The following ANKRD17 variants were observed in gnomAD, a reference collection of about 807,000 sequenced individuals.
ANKRD17 encodes the protein ankyrin repeat domain-containing protein 17.
Under a neutral mutation model 229.7 loss-of-function variants are expected in ANKRD17, and 19 were observed. The ratio of observed to expected loss-of-function variants is 0.08; its 90% CI spans 0.06 to 0.12. The LOEUF is 0.12. Ranked by LOEUF, ANKRD17 falls within the 10% of genes least tolerant of loss-of-function variation. The pLI is 1.00. For synonymous variants in ANKRD17, 1,112 were observed against 1,146.1 expected (o/e 0.97, Z 0.60); for missense variants, 2,176 against 3,176.8 (o/e 0.68, Z 7.57).
intron 18 of ANKRD17, 62 bp downstream of exon 18, chr4:73,124,851 A>C: frequency 6.4e-7 from 1 of 1,560,426 alleles, no homozygotes; most frequent in East Asian, 2.3e-5. Flanking sequence ...AAATAATATA[A>C]GTGAAAGTAC....
At chr4:73,236,218 TCC>T (rs1743497892) in intron 1 of ANKRD17, among the ~76,000 whole-genome samples, 3 of 151,572 alleles carry the variant, frequency 2.0e-5, no homozygotes, top group African/African-American at 7.3e-5. Flanking sequence ...GTGCAGTGGT[TCC>T]ATCATTGCCA....
intron 1 of ANKRD17, chr4:73,223,246 C>G (rs1452766288): frequency 5.0e-6 from 2 of 401,728 alleles, no homozygotes; most frequent in Non-Finnish European, 8.8e-6. Context: ...AAACTTCTGT[C>G]AAGTAATTTT....
chr4:73,121,290 T>A, intron 19 of ANKRD17, 196 bp from the exon 20 acceptor site: 1 of 632,548 alleles, frequency 1.6e-6, no homozygotes, highest in Non-Finnish European at 2.7e-6. Context: ...ATTTTTTGTA[T>A]TTCACTCAAC....
At chr4:73,175,625 A>G (rs1215575200) in intron 2 of ANKRD17, among the ~76,000 whole-genome samples, 3 of 152,238 alleles carry the variant, frequency 2.0e-5, no homozygotes. Context: ...CCACTAGAAT[A>G]CAATAGAAAA....
intron 16 of ANKRD17, among the ~76,000 whole-genome samples, chr4:73,133,164 C>T (rs1006766561): frequency 4.0e-5 from 6 of 151,576 alleles, no homozygotes; most frequent in African/African-American, 2.4e-5. Context: ...GCAGGAGAAT[C>T]GCTTGAACCT....
At position 73,125,057 on chromosome 4, in the gene ANKRD17, A is replaced by G. The variant is rs1436548225; in HGVS notation, c.3348T>C (p.Gly1116=). The G allele has an allele frequency of 1.2e-6, 2 of 1,614,032 alleles. No homozygotes were observed. The highest frequency in any genetic ancestry group is 2.7e-5 in the African/African-American group (2 of 74,928). ...GASIEHRDKK[G]FTPLILAATA... ...TGGCAGCCAAGATGAGTGGAGTAAA[A>G]CCTGGAGAAAAATAATGATCTTCTC... Residue 1116 remains glycine (G), a splice_region_variant and synonymous_variant, in exon 18 of 34, where the codon GGT becomes GGC. Coordinates refer to ENST00000358602, the MANE Select transcript of ANKRD17 (RefSeq NM_032217.5).
At position 73,156,032 on chromosome 4, in the gene ANKRD17, T is replaced by G. The variant is rs774413048; in HGVS notation, c.839A>C (p.Tyr280Ser). The change falls in exon 4 of 34, where the codon TAT becomes TCT. Residue 280 changes from tyrosine (Y) to serine (S), a missense_variant. This residue lies in a region of ANKRD17 where 184 missense variants were observed against 357.8 expected (regional missense o/e 0.51). Transcript: ENST00000358602. ...LLCLACSAGY[Y>S]ELAQVLLAMH... ...GATAATACGAACCTGTGCAAGCTCA[T>G]AGTATCCAGCAGAACAAGCTAAACA... is the stretch of plus-strand genomic sequence containing the variant. 1 of 1,594,284 alleles carries G rather than the reference T, an allele frequency of 6.3e-7. No individual in the cohort carries two copies. Among genetic ancestry groups the G allele is most frequent in the South Asian group, 1.1e-5 (1 of 87,046 alleles).
intron 1 of ANKRD17, among the ~76,000 whole-genome samples, chr4:73,214,534 G>C (rs1057105137): frequency 6.6e-6 from 1 of 152,012 alleles, no homozygotes; most frequent in African/African-American, 2.4e-5. Context: ...AAAAGCAATG[G>C]TGGGTAAACC....
At chr4:73,187,447 G>GAACA (rs1396130163) in intron 1 of ANKRD17, among the ~76,000 whole-genome samples, 3 of 152,172 alleles carry the variant, frequency 2.0e-5, no homozygotes, top group Admixed American at 2.0e-4. Flanking sequence ...TGTTGGCAGG[G>GAACA]AACATAAGGC....
Position 73,140,084 on chromosome 4 carries a change from G to A in ANKRD17, c.2532C>T (p.Thr844=). The A allele has an allele frequency of 6.2e-7, 1 of 1,614,080 alleles. No homozygotes were observed. Among genetic ancestry groups the A allele is most frequent in the Non-Finnish European group, 8.5e-7 (1 of 1,180,024 alleles). Residue 844 remains threonine (T), a synonymous_variant, in exon 15 of 34, where the codon ACC becomes ACT. Transcript: ENST00000358602. ...TGTTGAGCTCCTCGATCTTCTCCTT[G>A]GTAAGTTGGTCAGCATGAGCCAGTT... ...SLELAHADQL[T]KEKIEELNKT...
rs1309421947 is a variant in ANKRD17 at position 73,091,149 on chromosome 4, G to A, written c.6479C>T (p.Pro2160Leu). The A allele has an allele frequency of 1.9e-6, 3 of 1,614,062 alleles. No individual in the cohort carries two copies. The highest frequency in any genetic ancestry group is 2.2e-5 in the East Asian group (1 of 44,896). Reference protein sequence around the residue: ...PSTAPVTYPMPQTPMGCPQPT... With the variant: ...PSTAPVTYPMLQTPMGCPQPT... Reference sequence around the variant, plus strand: ...CTGGGGGCATCCCATTGGTGTCTGAGGCATAGGGTAAGTCACTGGGGCAGT... The same window carrying A: ...CTGGGGGCATCCCATTGGTGTCTGAAGCATAGGGTAAGTCACTGGGGCAGT... Residue 2160 changes from proline to leucine, a missense_variant, in exon 29 of 34, where the codon CCT (proline) becomes CTT (leucine). Pro to Leu is a moderately conservative substitution (Grantham distance 98, BLOSUM62 -3). Transcript: ENST00000358602.
At chr4:73,116,758 T>C (rs1039694502) in intron 22 of ANKRD17, among the ~76,000 whole-genome samples, 8 of 152,014 alleles carry the variant, frequency 5.3e-5, no homozygotes, top group Non-Finnish European at 1.0e-4. Context: ...CCTTTCCATA[T>C]TGTACCCTAT....
intron 1 of ANKRD17, among the ~76,000 whole-genome samples, chr4:73,222,507 A>C (rs1022822112): frequency 2.6e-5 from 4 of 152,242 alleles, no homozygotes; most frequent in Admixed American, 2.0e-4. Flanking sequence ...AGCTAAATTA[A>C]GCAATCAGAT....
intron 25 of ANKRD17, chr4:73,099,148 G>C (rs981837590): frequency 4.8e-5 from 33 of 692,028 alleles, no homozygotes; most frequent in Admixed American, 2.7e-4. Flanking sequence ...AGCAGTGACC[G>C]TGTGTGCTGC....
rs539964119 is a variant in ANKRD17 at position 73,168,101 on chromosome 4, C to T, written c.548-6753G>A. On this transcript the variant is annotated intron_variant, in intron 2 of 33. Transcript: ENST00000358602. ...CCGGGAGGCGGAGCTTGCAGTGAGC[C>T]AAGATCCCACCACTGTACTCCAGCC... Among the ~76,000 whole-genome samples, 222 of 149,792 alleles carry T rather than the reference C, an allele frequency of 1.5e-3. 1 individual carries two copies. Among genetic ancestry groups the T allele is most frequent in the African/African-American group, 5.0e-3 (201 of 40,504 alleles).
At chr4:73,122,931 C>A (rs1222223041) in intron 18 of ANKRD17, among the ~76,000 whole-genome samples, 5 of 152,018 alleles carry the variant, frequency 3.3e-5, no homozygotes, top group African/African-American at 1.2e-4. Context: ...ATCCAATATA[C>A]AACAAAAATG....
At chr4:73,102,318 G>C in intron 25 of ANKRD17, 58 bp downstream of exon 25, 1 of 1,504,470 alleles carries the variant, frequency 6.6e-7, no homozygotes, top group South Asian at 1.3e-5. Context: ...TGATAATCAA[G>C]TAAATATAAT....
At position 73,151,494 on chromosome 4, in the gene ANKRD17, T is replaced by A. The variant is rs1014882894; in HGVS notation, c.1265A>T (p.Glu422Val). ...GHLEMVRFLL[E>V]AGADQEHKTD... is the part of the protein sequence containing the mutation. The stretch of plus-strand genomic sequence containing the variant: ...TTTATGCTCTTGATCCGCGCCTGCT[T>A]CCAAAAGAAATCGCACCATCTCTAA... The change falls in exon 7 of 34, where the codon GAA becomes GTA. Residue 422 changes from glutamate (E) to valine (V), a missense_variant. Transcript: ENST00000358602. 7 of 1,609,564 alleles carry A rather than the reference T, an allele frequency of 4.3e-6. No individual in the cohort carries two copies. The highest frequency in any genetic ancestry group is 5.9e-6 in the Non-Finnish European group (7 of 1,177,798).
chr4:73,201,058 C>T (rs1230840442), intron 1 of ANKRD17, among the ~76,000 whole-genome samples: 1 of 146,466 alleles, frequency 6.8e-6, no homozygotes, highest in African/African-American at 2.6e-5. Flanking sequence ...AAAATAAATT[C>T]TAGCAAGACT....
Sources: gnomAD v4.1 joint callset for allele counts (sites outside exome capture counted in the v4.1 genomes callset) on GRCh38, gnomAD v4.1.1 for gene constraint, gnomAD v4.1.1 regional missense constraint, MANE v1.5 for transcripts, NCBI Gene and HGNC (gene_info 2026-07-23, HGNC 2026-07-21) for gene names.